Variants in BORCS8 observed in about 807,000 individuals in gnomAD.
BORCS8 encodes BLOC-1 related complex subunit 8.
Under a neutral mutation model 18.7 loss-of-function variants are expected in BORCS8, and 13 were observed. The observed-to-expected ratio is 0.70, with a 90% CI of 0.45 to 1.11. The LOEUF is 1.11. BORCS8 is among the 50% of genes least tolerant of loss of function. BORCS8 has a pLI of 0.00. For missense variants in BORCS8, 165 were observed against 165.7 expected, an observed-to-expected ratio of 1.00 and a Z score of 0.02; for synonymous variants, 68 against 64.8, an observed-to-expected ratio of 1.05 and a Z score of -0.24.
intron 1 of BORCS8, among the ~76,000 whole-genome samples, chr19:19,187,674 G>C (rs1425057550): frequency 6.6e-6 from 1 of 151,274 alleles, no homozygotes; most frequent in Non-Finnish European, 1.5e-5. Context: ...GAGTAGCTGG[G>C]ATTACAGGCA....
intron 3 of BORCS8, among the ~76,000 whole-genome samples, chr19:19,183,146 T>C (rs2060366857): frequency 1.3e-5 from 2 of 152,050 alleles, no homozygotes; most frequent in African/African-American, 2.4e-5. Context: ...CAGTGGATCA[T>C]GCCTGTAATC....
intron 5 of BORCS8, chr19:19,178,650 G>C (rs2060322468): frequency 6.6e-6 from 1 of 152,264 alleles, no homozygotes. Context: ...CGCAGTTTTG[G>C]GGGAAAAGTG....
At position 19,190,890 on chromosome 19, in the gene BORCS8, G is replaced by A. The variant is rs551824295; in HGVS notation, c.37+1191C>T. ...GTTATCCATGGTTCCCGAATCTGTG[G>A]ATTCAACCAACCGTGGATGGAAAAT... On this transcript the variant is annotated intron_variant, in intron 1 of 5. Transcript: ENST00000462790. 2.4e-4 allele frequency among the ~76,000 whole-genome samples: 37 copies of A among 152,178 alleles called. 1 individual carries two copies. In the South Asian group the frequency reaches 6.4e-3, roughly 26 times the overall value.
In BORCS8 at chr19:19,182,782, C is replaced by CAAG; in HGVS notation, c.216-100_216-99insCTT. 1 of 1,420,664 alleles carries CAAG rather than the reference C, an allele frequency of 7.0e-7. No individual in the cohort carries two copies. Among genetic ancestry groups the CAAG allele is most frequent in the Admixed American group, 2.7e-5 (1 of 37,570 alleles). 88.0% of individuals were successfully genotyped at this position (1,420,664 alleles called of 1,614,324 possible). ...CACCACCAGGGCTCGGTGGGTACCT[C>CAAG]AGTGATTCTGCGGGCTTCCCGAAGG... On this transcript the variant is annotated intron_variant, in intron 3 of 5. Coordinates refer to ENST00000462790, the MANE Select transcript of BORCS8 (RefSeq NM_001145784.2). This position sits in a 1 kb window ranked among gnomAD's most constrained non-coding sequence, Gnocchi z 4.1.
chr19:19,191,542 G>A (rs1447026046), intron 1 of BORCS8, among the ~76,000 whole-genome samples: 2 of 150,194 alleles, frequency 1.3e-5, no homozygotes, highest in Admixed American at 1.3e-4. Flanking sequence ...ACTACGCCCC[G>A]GGGATTCTTC....
intron 5 of BORCS8, chr19:19,177,704 A>AAAAGAAAAGAAAAGG (rs2060311919): frequency 1.4e-5 from 1 of 72,378 alleles, no homozygotes; most frequent in African/African-American, 6.1e-5. Flanking sequence ...AAGAGAAAAG[A>AAAAGAAAAGAAAAGG]AAAGAAAAGA....
intron 5 of BORCS8, chr19:19,177,856 G>T (rs1028937727): frequency 6.5e-6 from 1 of 154,426 alleles, no homozygotes; most frequent in Non-Finnish European, 1.4e-5. Flanking sequence ...GCCGGGCTCT[G>T]CTCTTCTCTG....
intron 1 of BORCS8, among the ~76,000 whole-genome samples, chr19:19,190,834 CG>C (rs2060462880): frequency 6.6e-6 from 1 of 152,004 alleles, no homozygotes. Flanking sequence ...AGACAAGGCA[CG>C]GTGGCTCATG....
intron 1 of BORCS8, among the ~76,000 whole-genome samples, chr19:19,191,834 G>A (rs2060484360): frequency 6.6e-6 from 1 of 152,138 alleles, no homozygotes; most frequent in African/African-American, 2.4e-5. Flanking sequence ...GCCTCCCAAA[G>A]TGCTGGGATT....
chr19:19,186,650 TC>T (rs1353733148), intron 2 of BORCS8, among the ~76,000 whole-genome samples: 1 of 152,224 alleles, frequency 6.6e-6, no homozygotes, highest in Non-Finnish European at 1.5e-5. Context: ...TCCTGAGGCC[TC>T]CCCAGCCCTG....
chr19:19,187,759 G>A (rs753503018), intron 1 of BORCS8, among the ~76,000 whole-genome samples: 8 of 151,738 alleles, frequency 5.3e-5, no homozygotes, highest in African/African-American at 1.9e-4. Flanking sequence ...GGATGGTCTC[G>A]ATCTCCTGAC....
chr19:19,181,018 A>G (rs2060343369), intron 4 of BORCS8, among the ~76,000 whole-genome samples: 1 of 150,546 alleles, frequency 6.6e-6, no homozygotes, highest in Non-Finnish European at 1.5e-5. Context: ...AACATGGCGA[A>G]ACCCCGTCTC....
chr19:19,182,731 C>T lies in BORCS8; in HGVS notation c.216-48G>A, dbSNP rs780732840. 3 of 1,519,812 alleles carry T rather than the reference C, an allele frequency of 2.0e-6. No homozygotes were observed. Among genetic ancestry groups the T allele is most frequent in the African/African-American group, 2.8e-5 (2 of 72,524 alleles). 94.1% of individuals were successfully genotyped at this position (1,519,812 alleles called of 1,614,324 possible). On this transcript the variant is annotated intron_variant, in intron 3 of 5. Coordinates refer to ENST00000462790, the MANE Select transcript of BORCS8 (RefSeq NM_001145784.2). The surrounding 1 kb of genome is among the most constrained non-coding windows in gnomAD (Gnocchi z 4.1). The stretch of plus-strand genomic sequence containing the variant: ...GTCAGCGCTCCGGACCTGCAGGTAA[C>T]TGTCCCACACCCCAGCACTTGAGGT...
intron 4 of BORCS8, chr19:19,181,936 C>A (rs1231912723): frequency 3.0e-6 from 3 of 985,330 alleles, no homozygotes; most frequent in Non-Finnish European, 3.6e-6. Flanking sequence ...AGAAGGGCTA[C>A]TCTTCAAAAA....
At position 19,182,732 on chromosome 19, in the gene BORCS8, T is replaced by C. The variant is rs1221551043; in HGVS notation, c.216-49A>G. ...TCAGCGCTCCGGACCTGCAGGTAAC[T>C]GTCCCACACCCCAGCACTTGAGGTC... On this transcript the variant is annotated intron_variant, in intron 3 of 5. Coordinates refer to ENST00000462790, the MANE Select transcript of BORCS8 (RefSeq NM_001145784.2). This position sits in a 1 kb window ranked among gnomAD's most constrained non-coding sequence, Gnocchi z 4.1. 5 of 1,519,544 alleles carry C rather than the reference T, an allele frequency of 3.3e-6. No individual in the cohort carries two copies. The African/African-American group carries it at 5.5e-5, about 17-fold the overall frequency. 94.1% of individuals were successfully genotyped at this position (1,519,544 alleles called of 1,614,324 possible). A position where few individuals can be genotyped will look rare whatever the true frequency, so the allele number is the denominator to read the frequency against.
At chr19:19,180,550 C>T in intron 5 of BORCS8, 136 bp downstream of exon 5, 1 of 682,084 alleles carries the variant, frequency 1.5e-6, no homozygotes, top group South Asian at 1.6e-5. Context: ...CTCCACCTGC[C>T]ACCTCCGAAA....
chr19:19,184,046 C>T (rs1181548037), intron 3 of BORCS8, among the ~76,000 whole-genome samples: 1 of 151,610 alleles, frequency 6.6e-6, no homozygotes, highest in African/African-American at 2.4e-5. Flanking sequence ...CCACACCTGG[C>T]TAATTTTTGT....
intron 1 of BORCS8, among the ~76,000 whole-genome samples, chr19:19,188,771 G>A (rs553649473): frequency 5.3e-5 from 8 of 152,170 alleles, no homozygotes; most frequent in Middle Eastern, 3.4e-3. Flanking sequence ...CCCTCGCTCA[G>A]CCTCCTCACC....
chr19:19,190,865 G>A (rs990191349), intron 1 of BORCS8, among the ~76,000 whole-genome samples: 5 of 152,004 alleles, frequency 3.3e-5, no homozygotes, highest in Non-Finnish European at 1.5e-5. Flanking sequence ...CATGCCCTCC[G>A]TTATCCATGG....
Sources: gnomAD v4.1 joint callset for allele counts (sites outside exome capture counted in the v4.1 genomes callset) on GRCh38, gnomAD v4.1.1 for gene constraint, Gnocchi (gnomAD v3.1) non-coding constraint, MANE v1.5 for transcripts, NCBI Gene and HGNC (gene_info 2026-07-23, HGNC 2026-07-21) for gene names.